Variants in CLSTN2 observed in about 807,000 individuals in gnomAD.
CLSTN2 encodes the protein calsyntenin-2.
Under a neutral mutation model 101.2 loss-of-function variants are expected in CLSTN2, and 48 were observed. The ratio of observed to expected loss-of-function variants is 0.47; its 90% CI spans 0.38 to 0.60. CLSTN2 has a LOEUF of 0.60. Ranked by LOEUF, CLSTN2 falls within the 20% of genes least tolerant of loss-of-function variation. The pLI is 0.00. For synonymous variants in CLSTN2, 481 were observed against 463.6 expected, an observed-to-expected ratio of 1.04 and a Z score of -0.48; for missense variants, 1,160 against 1,238.2, an observed-to-expected ratio of 0.94 and a Z score of 0.95.
At chr3:140,276,651 G>C (rs1029050563) in intron 2 of CLSTN2, among the ~76,000 whole-genome samples, 3 of 152,192 alleles carry the variant, frequency 2.0e-5, no homozygotes, top group Admixed American at 6.5e-5. Flanking sequence ...TGGGGACCCT[G>C]TGAGGTATAA....
At chr3:140,367,443 G>A (rs865840560) in intron 2 of CLSTN2, among the ~76,000 whole-genome samples, 16 of 150,206 alleles carry the variant, frequency 1.1e-4, no homozygotes, top group South Asian at 4.2e-4. Flanking sequence ...AACCGGGGAG[G>A]CAGAGGTTGC....
chr3:140,150,274 T>C (rs971876918), intron 1 of CLSTN2, among the ~76,000 whole-genome samples: 4 of 152,192 alleles, frequency 2.6e-5, no homozygotes, highest in African/African-American at 9.7e-5. Flanking sequence ...GATAGAAGCA[T>C]ATGCTGTGGA....
chr3:140,551,066 C>T (rs1336923608), intron 10 of CLSTN2, among the ~76,000 whole-genome samples: 2 of 152,154 alleles, frequency 1.3e-5, no homozygotes, highest in African/African-American at 4.8e-5. Context: ...GGGACTGGGG[C>T]TCAGGGATTT....
intron 8 of CLSTN2, among the ~76,000 whole-genome samples, chr3:140,510,440 A>C (rs3887354): frequency 0.25 from 37,418 of 152,062 alleles, 4,881 homozygotes; most frequent in African/African-American, 0.33. Flanking sequence ...AGGTGTGCTT[A>C]CTCTCCCCGG....
At position 140,022,098 on chromosome 3, in the gene CLSTN2, G is replaced by A. The variant is rs991167252; in HGVS notation, c.109+86615G>A. Among the ~76,000 whole-genome samples, 5 of 152,218 alleles carry A rather than the reference G, an allele frequency of 3.3e-5. 1 individual carries two copies. The highest frequency in any genetic ancestry group is 7.3e-5 in the Non-Finnish European group (5 of 68,032). ...TCCAGTGTGGAGGACTCACTGGGCA[G>A]CAGTGGGAATGGGGAGTGGCCTTGG... On this transcript the variant is annotated intron_variant, in intron 1 of 16. Transcript: ENST00000458420.
intron 6 of CLSTN2, among the ~76,000 whole-genome samples, chr3:140,453,534 G>A (rs1305426907): frequency 6.6e-6 from 1 of 152,154 alleles, no homozygotes; most frequent in East Asian, 1.9e-4. Context: ...TGTAGTTCTA[G>A]TGTTGTATTA....
intron 8 of CLSTN2, among the ~76,000 whole-genome samples, chr3:140,479,832 C>G (rs1399897890): frequency 6.6e-6 from 1 of 152,012 alleles, no homozygotes; most frequent in Non-Finnish European, 1.5e-5. Flanking sequence ...ATGTTTGATT[C>G]AAAACACCAT....
intron 8 of CLSTN2, among the ~76,000 whole-genome samples, chr3:140,478,575 A>G (rs1934038918): frequency 6.6e-6 from 1 of 152,226 alleles, no homozygotes. Context: ...TGCCTAGGGC[A>G]TGGGGTTGAA....
At chr3:140,048,734 A>G (rs1164927843) in intron 1 of CLSTN2, among the ~76,000 whole-genome samples, 1 of 152,134 alleles carries the variant, frequency 6.6e-6, no homozygotes, top group East Asian at 1.9e-4. Context: ...CTGTGTTAAA[A>G]GCCTCAGGGC....
rs1445537095 is a variant in CLSTN2, at chr3:140,568,087, CAG to C, written c.*1837_*1838del. 2 of 152,202 alleles carry C rather than the reference CAG, an allele frequency of 1.3e-5. No individual in the cohort carries two copies. The highest frequency in any genetic ancestry group is 2.9e-5 in the Non-Finnish European group (2 of 68,044). 9.4% of individuals were successfully genotyped at this position (152,202 alleles called of 1,614,324 possible). On this transcript the variant is annotated 3_prime_UTR_variant, in exon 17 of 17. Coordinates refer to ENST00000458420, the MANE Select transcript of CLSTN2 (RefSeq NM_022131.3). ...AGGCTTCGTGATTCAATGTCTTGTT[CAG>C]AGTCATTCAAAAGTATAGACAAGAC...
chr3:140,548,400 A>G (rs561396570), intron 10 of CLSTN2, among the ~76,000 whole-genome samples: 12 of 152,218 alleles, frequency 7.9e-5, no homozygotes, highest in Non-Finnish European at 1.8e-4. Context: ...GGAACGAAAG[A>G]CTGAAGGAGA....
chr3:139,968,402 CT>C (rs1935639662), intron 1 of CLSTN2, among the ~76,000 whole-genome samples: 1 of 152,216 alleles, frequency 6.6e-6, no homozygotes, highest in African/African-American at 2.4e-5. Flanking sequence ...TGGCTACCAC[CT>C]TCAGAGGTGA....
chr3:140,218,913 G>C (rs1215041490), intron 2 of CLSTN2, among the ~76,000 whole-genome samples: 4 of 152,164 alleles, frequency 2.6e-5, no homozygotes, highest in African/African-American at 9.6e-5. Context: ...GTGGTAGACA[G>C]ACAGCAGAGG....
chr3:139,982,785 A>C (rs1027433747), intron 1 of CLSTN2, among the ~76,000 whole-genome samples: 1 of 152,236 alleles, frequency 6.6e-6, no homozygotes, highest in African/African-American at 2.4e-5. Flanking sequence ...TTATAGACTC[A>C]ATAAAACTAG....
At position 140,563,129 on chromosome 3, in the gene CLSTN2, A is replaced by G. The variant is rs765922405; in HGVS notation, c.2408A>G (p.His803Arg). Residue 803 changes from histidine to arginine, a missense_variant, in exon 15 of 17, where the codon CAT becomes CGT. Coordinates refer to ENST00000458420, the MANE Select transcript of CLSTN2 (RefSeq NM_022131.3). Reference sequence around the variant, plus strand: ...GTCTCAGATAAGGAGCATGTCAATCATCTGATTGTGCAGCCTCCCTTCCTC... The same window carrying G: ...GTCTCAGATAAGGAGCATGTCAATCGTCTGATTGTGCAGCCTCCCTTCCTC... ...DQVSDKEHVN[H>R]LIVQPPFLQS... The G allele has an allele frequency of 6.2e-7, 1 of 1,614,072 alleles. No homozygotes were observed. The highest frequency in any genetic ancestry group is 8.5e-7 in the Non-Finnish European group (1 of 1,179,954).
rs750088450 is a variant in CLSTN2, at chr3:140,311,287, C to CTTTTTTTTTTT, written c.233-92316_233-92306dup. On this transcript the variant is annotated intron_variant, in intron 2 of 16. Coordinates refer to ENST00000458420, the MANE Select transcript of CLSTN2 (RefSeq NM_022131.3). Reference sequence around the variant, plus strand: ...ATAATAACAGCTAAGGTTTATTATCCTTTTTTTTTTTTTTTTTTTTTTTTT... The same window carrying CTTTTTTTTTTT: ...ATAATAACAGCTAAGGTTTATTATCCTTTTTTTTTTTTTTTTTTTTTTTTTTTTTTTTTTTT... Among the ~76,000 whole-genome samples the CTTTTTTTTTTT allele has an allele frequency of 3.1e-4, 16 of 52,080 alleles. 3 individuals are homozygous for CTTTTTTTTTTT. Among genetic ancestry groups the CTTTTTTTTTTT allele is most frequent in the East Asian group, 1.6e-3 (2 of 1,290 alleles). The allele number at this position is 52,080 out of a possible 152,430, so 34.2% of individuals were successfully genotyped here.
intron 1 of CLSTN2, among the ~76,000 whole-genome samples, chr3:140,100,851 C>G (rs2008954182): frequency 6.6e-6 from 1 of 152,188 alleles, no homozygotes; most frequent in Admixed American, 6.5e-5. Context: ...GCTCCAATGC[C>G]CATGTGTGAG....
chr3:140,351,794 T>TG (rs917631374), intron 2 of CLSTN2, among the ~76,000 whole-genome samples: 2 of 149,418 alleles, frequency 1.3e-5, no homozygotes, highest in African/African-American at 5.0e-5. Flanking sequence ...TTTGTTTTGT[T>TG]TTTTTTTTTT....
At chr3:140,513,387 T>C (rs553548347) in intron 8 of CLSTN2, among the ~76,000 whole-genome samples, 1 of 152,282 alleles carries the variant, frequency 6.6e-6, no homozygotes, top group African/African-American at 2.4e-5. Flanking sequence ...TGTCTTTGGT[T>C]CTGTTTATGT....
Sources: allele counts gnomAD v4.1 joint callset (sites outside exome capture counted in the v4.1 genomes callset), GRCh38; gene constraint gnomAD v4.1.1; transcripts MANE v1.5; gene names NCBI Gene and HGNC (gene_info 2026-07-23, HGNC 2026-07-21).